The following PPM1F variants were observed in gnomAD, a reference collection of about 807,000 sequenced individuals.
PPM1F encodes the protein protein phosphatase 1F.
A neutral mutation model predicts 35.5 loss-of-function variants in PPM1F; 17 were observed. The observed-to-expected ratio is 0.48, with a 90% CI of 0.33 to 0.72. The LOEUF (loss-of-function observed/expected upper bound fraction) is 0.72. PPM1F is among the 30% of genes least tolerant of loss of function. The pLI is 0.02. For synonymous variants in PPM1F, 241 were observed against 255.5 expected, an observed-to-expected ratio of 0.94 and a Z score of 0.54; for missense variants, 521 against 613.0, an observed-to-expected ratio of 0.85 and a Z score of 1.59.
At chr22:21,943,223 G>A (rs1214131039) in intron 2 of PPM1F, 1 of 152,148 alleles carries the variant, frequency 6.6e-6, no homozygotes, top group Non-Finnish European at 1.5e-5. Flanking sequence ...AGCAGAGCTC[G>A]GAGGTGGAAC....
At chr22:21,935,582 A>G (rs547332960) in intron 3 of PPM1F, 3 of 152,338 alleles carry the variant, frequency 2.0e-5, no homozygotes, top group African/African-American at 7.2e-5. Flanking sequence ...AATTAAAAAA[A>G]ACTAGCCCAG....
At chr22:21,932,485 T>A (rs2070604176) in intron 5 of PPM1F, among the ~76,000 whole-genome samples, 1 of 152,164 alleles carries the variant, frequency 6.6e-6, no homozygotes, top group East Asian at 1.9e-4. Context: ...GTGACAAAAG[T>A]GCACCTTTCC....
intron 1 of PPM1F, 115 bp from the exon 2 acceptor site, chr22:21,946,223 A>C: frequency 2.0e-6 from 1 of 500,386 alleles, no homozygotes; most frequent in Non-Finnish European, 3.4e-6. Context: ...GGGCCACTAG[A>C]GGGTGGAGGG....
Position 21,931,309 on chromosome 22 carries a change from C to A in PPM1F, c.748-18G>T. 6.2e-7 allele frequency: 1 copy of A among 1,608,290 alleles called. No individual in the cohort carries two copies. The highest frequency in any genetic ancestry group is 2.2e-5 in the East Asian group (1 of 44,824). On this transcript the variant is annotated intron_variant, in intron 5 of 7. Coordinates refer to ENST00000263212, the MANE Select transcript of PPM1F (RefSeq NM_014634.4). The stretch of plus-strand genomic sequence containing the variant: ...TGCAGCCGCTGCAGGGAGAGAGGGC[C>A]CATGAGAGTTGAGAGGAGGTAGGGA...
chr22:21,938,216 C>A (rs537623433), intron 3 of PPM1F: 3 of 1,303,022 alleles, frequency 2.3e-6, no homozygotes, highest in African/African-American at 3.0e-5. Flanking sequence ...GCAGGTGGCG[C>A]TGTCTCCCGC....
chr22:21,933,654 G>A, intron 4 of PPM1F, 75 bp from the exon 5 acceptor site: 2 of 1,346,986 alleles, frequency 1.5e-6, no homozygotes, highest in East Asian at 2.3e-5. Flanking sequence ...GCCAGGCACT[G>A]ATGGGGTAGA....
intron 6 of PPM1F, among the ~76,000 whole-genome samples, chr22:21,926,548 C>T (rs1056123091): frequency 1.3e-5 from 2 of 152,090 alleles, no homozygotes; most frequent in African/African-American, 4.8e-5. Flanking sequence ...GGTCCACCCA[C>T]AAGTCCTCTA....
intron 6 of PPM1F, among the ~76,000 whole-genome samples, chr22:21,927,164 T>C (rs1469987867): frequency 6.6e-6 from 1 of 152,094 alleles, no homozygotes; most frequent in Non-Finnish European, 1.5e-5. Flanking sequence ...CTCCGGGGTC[T>C]GAGCAGGGCA....
chr22:21,935,695 C>T (rs2070650859), intron 3 of PPM1F: 1 of 152,158 alleles, frequency 6.6e-6, no homozygotes, highest in Admixed American at 6.6e-5. Flanking sequence ...ATAAAGAGAC[C>T]TTGTCTCTTA....
chr22:21,952,675 C>T (rs1177770493), intron 1 of PPM1F, 117 bp downstream of exon 1: 1 of 152,770 alleles, frequency 6.5e-6, no homozygotes, highest in Non-Finnish European at 1.5e-5. Flanking sequence ...CCCCAGCCCT[C>T]TGATTCCACC....
intron 3 of PPM1F, chr22:21,935,804 C>T (rs1174473168): frequency 6.6e-6 from 1 of 152,248 alleles, no homozygotes; most frequent in Non-Finnish European, 1.5e-5. Context: ...CGAGACCACC[C>T]TGACCAACAA....
At chr22:21,927,022 A>G (rs1331618379) in intron 6 of PPM1F, among the ~76,000 whole-genome samples, 1 of 152,206 alleles carries the variant, frequency 6.6e-6, no homozygotes, top group Admixed American at 6.5e-5. Flanking sequence ...CACTGCAGCC[A>G]TGAGCCTGTG....
At position 21,945,978 on chromosome 22, in the gene PPM1F, T is replaced by A; in HGVS notation, c.71A>T (p.Asp24Val). The change falls in exon 2 of 8, where the codon GAC becomes GTC. Residue 24 changes from aspartate to valine, a missense_variant. Asp to Val is a radical substitution (Grantham distance 152). Around this residue, in one of 3 missense-constraint regions of PPM1F, gnomAD observed 311 missense variants for 351.5 expected, o/e 0.88. Transcript: ENST00000263212. ...SGAEETPGFL[D>V]TLLQDFPALL... is the part of the protein sequence containing the mutation. ...GGCTGGGAAGTCTTGCAGGAGCGTGTCCAGGAAGCCTGGGGTCTCCTCAGC... is the reference window on the plus strand; with the variant it reads ...GGCTGGGAAGTCTTGCAGGAGCGTGACCAGGAAGCCTGGGGTCTCCTCAGC... 6.2e-7 allele frequency: 1 copy of A among 1,609,912 alleles called. No individual in the cohort carries two copies. Among genetic ancestry groups the A allele is most frequent in the South Asian group, 1.1e-5 (1 of 90,584 alleles).
intron 4 of PPM1F, 56 bp from the exon 5 acceptor site, chr22:21,933,635 G>C (rs746745217): frequency 3.3e-6 from 5 of 1,516,056 alleles, no homozygotes; most frequent in Non-Finnish European, 4.5e-6. Flanking sequence ...GCTCCCAGTG[G>C]GGCGTGGCGC....
At chr22:21,938,325 G>A in intron 3 of PPM1F, 1 of 1,212,248 alleles carries the variant, frequency 8.2e-7, no homozygotes, top group Non-Finnish European at 1.1e-6. Context: ...GCCACCGGCC[G>A]GAAGCCTGCT....
intron 2 of PPM1F, among the ~76,000 whole-genome samples, chr22:21,940,394 A>G (rs2070711605): frequency 6.6e-6 from 1 of 151,730 alleles, no homozygotes; most frequent in African/African-American, 2.4e-5. Context: ...AATTGCTTGA[A>G]CCTGGGAGGT....
chr22:21,925,527 G>A (rs557565466), intron 7 of PPM1F, 42 bp downstream of exon 7: 12 of 1,584,172 alleles, frequency 7.6e-6, no homozygotes, highest in South Asian at 4.4e-5. Context: ...CTGGGCTTCC[G>A]AGAGACCTTC....
rs1298822094 is a variant in PPM1F at position 21,939,500 on chromosome 22, C to A, written c.355+32G>T. The A allele has an allele frequency of 1.2e-6, 2 of 1,606,740 alleles. No homozygotes were observed. Reference sequence around the variant, plus strand: ...CACCCTTTGTTGCCTGCTAAGCAGCCCTGGGGCCACCTCAGAAGAAACAGA... The same window carrying A: ...CACCCTTTGTTGCCTGCTAAGCAGCACTGGGGCCACCTCAGAAGAAACAGA... On this transcript the variant is annotated intron_variant, in intron 3 of 7. Transcript: ENST00000263212. The surrounding 1 kb of genome is among the most constrained non-coding windows in gnomAD (Gnocchi z 5.1).
chr22:21,939,223 A>T lies in PPM1F; in HGVS notation c.355+309T>A. ...CGATCACCTGTGAGATCCTCTGTGA[A>T]ACGGGATAAGCATCTTTAATTTCCT... On this transcript the variant is annotated intron_variant, in intron 3 of 7. Transcript: ENST00000263212. The surrounding 1 kb of genome is among the most constrained non-coding windows in gnomAD (Gnocchi z 5.1). 3.0e-6 allele frequency: 1 copy of T among 337,044 alleles called. No homozygotes were observed. The highest frequency in any genetic ancestry group is 3.8e-5 in the South Asian group (1 of 26,018). 20.9% of individuals were successfully genotyped at this position (337,044 alleles called of 1,614,324 possible). A position where few individuals can be genotyped will look rare whatever the true frequency, so the allele number is the denominator to read the frequency against.
Sources: allele counts gnomAD v4.1 joint callset (sites outside exome capture counted in the v4.1 genomes callset), GRCh38; gene constraint gnomAD v4.1.1; regional missense constraint gnomAD v4.1.1; non-coding constraint Gnocchi (gnomAD v3.1); transcripts MANE v1.5; gene names NCBI Gene and HGNC (gene_info 2026-07-23, HGNC 2026-07-21).